The following KCND2 variants were observed in gnomAD, a reference collection of about 807,000 sequenced individuals.
The protein encoded by KCND2 is A-type voltage-gated potassium channel KCND2.
A neutral mutation model predicts 54.4 loss-of-function variants in KCND2; 16 were observed. The observed-to-expected ratio is 0.29, with a 90% confidence interval of 0.20 to 0.45. The LOEUF is 0.45. Among genes scored for constraint, KCND2 ranks in the 20% least tolerant of loss-of-function variants. The probability of loss-of-function intolerance (pLI) is 1.00; values close to 1 mark genes in which losing one functional copy is unlikely to be tolerated. For missense variants in KCND2, 486 were observed against 824.2 expected (o/e 0.59, Z 5.02); for synonymous variants, 317 against 310.7 (o/e 1.02, Z -0.21).
rs1799159244 is a variant in KCND2 at position 120,275,408 on chromosome 7, G to A, written c.776G>A (p.Arg259His). The change falls in exon 1 of 6, where the codon CGT (arginine) becomes CAT (histidine). Residue 259 changes from arginine to histidine, a missense_variant. This residue lies in a region of KCND2 where 231 missense variants were observed against 386.0 expected (regional missense o/e 0.60). Transcript: ENST00000331113. ...GCGCCTAGTCGTTACCGTTTTGTGC[G>A]TAGTGTCATGAGTATCATCGACGTG... ...AAAPSRYRFV[R>H]SVMSIIDVVA... The A allele has an allele frequency of 6.2e-7, 1 of 1,613,738 alleles. No homozygotes were observed. Among genetic ancestry groups the A allele is most frequent in the Non-Finnish European group, 8.5e-7 (1 of 1,179,970 alleles).
chr7:120,717,411 T>G (rs1056656301), intron 1 of KCND2, among the ~76,000 whole-genome samples: 4 of 152,126 alleles, frequency 2.6e-5, no homozygotes, highest in Admixed American at 1.3e-4. Flanking sequence ...GCACGTTCCT[T>G]AAAACTTATG....
chr7:120,330,448 G>T lies in KCND2; in HGVS notation c.1115+54701G>T, dbSNP rs191790206. Among the ~76,000 whole-genome samples the T allele has an allele frequency of 3.9e-5, 6 of 151,966 alleles. No individual in the cohort carries two copies. In the East Asian group the frequency reaches 1.2e-3, roughly 29 times the overall value. On this transcript the variant is annotated intron_variant, in intron 1 of 5. Transcript: ENST00000331113. Reference sequence around the variant, plus strand: ...TACAAAAAATTAGATGGGCATGGTGGCAGGCACCTGTAATCCCAGCTACTT... The same window carrying T: ...TACAAAAAATTAGATGGGCATGGTGTCAGGCACCTGTAATCCCAGCTACTT...
chr7:120,484,170 G>T (rs546742832), intron 1 of KCND2, among the ~76,000 whole-genome samples: 2 of 152,228 alleles, frequency 1.3e-5, no homozygotes, highest in South Asian at 4.1e-4. Context: ...AGGAAATGCG[G>T]GCAGGACTCG....
At chr7:120,656,447 A>G (rs1030491748) in intron 1 of KCND2, among the ~76,000 whole-genome samples, 3 of 152,198 alleles carry the variant, frequency 2.0e-5, no homozygotes, top group African/African-American at 7.2e-5. Flanking sequence ...CGTCACTGTA[A>G]AGCAAATGTC....
chr7:120,529,218 T>C (rs1288527393), intron 1 of KCND2, among the ~76,000 whole-genome samples: 1 of 152,164 alleles, frequency 6.6e-6, no homozygotes, highest in Non-Finnish European at 1.5e-5. Context: ...CTCAGTTGTA[T>C]TAAGGTTTGA....
intron 1 of KCND2, among the ~76,000 whole-genome samples, chr7:120,526,575 A>C (rs571838083): frequency 6.6e-6 from 1 of 152,178 alleles, no homozygotes; most frequent in Non-Finnish European, 1.5e-5. Context: ...CTTCACAAGA[A>C]GGAACCTGAT....
At chr7:120,308,468 C>A (rs1445731932) in intron 1 of KCND2, among the ~76,000 whole-genome samples, 1 of 152,098 alleles carries the variant, frequency 6.6e-6, no homozygotes, top group Non-Finnish European at 1.5e-5. Context: ...TTATTTTTAA[C>A]AGTAAGTGAA....
At chr7:120,324,646 T>C (rs1489692648) in intron 1 of KCND2, among the ~76,000 whole-genome samples, 3 of 150,640 alleles carry the variant, frequency 2.0e-5, no homozygotes, top group African/African-American at 7.3e-5. Flanking sequence ...TCTGTTCTGT[T>C]CCATTGATCT....
chr7:120,621,634 T>C (rs1793100300), intron 1 of KCND2, among the ~76,000 whole-genome samples: 1 of 152,204 alleles, frequency 6.6e-6, no homozygotes, highest in Non-Finnish European at 1.5e-5. Flanking sequence ...AGTCATGATA[T>C]TAAATATCTG....
intron 1 of KCND2, among the ~76,000 whole-genome samples, chr7:120,585,081 C>G (rs896033800): frequency 6.6e-6 from 1 of 152,118 alleles, no homozygotes; most frequent in Admixed American, 6.5e-5. Flanking sequence ...CTCGTAGTTC[C>G]TGACACACAC....
intron 1 of KCND2, among the ~76,000 whole-genome samples, chr7:120,530,509 A>G (rs1469953553): frequency 6.6e-6 from 1 of 152,264 alleles, no homozygotes; most frequent in Admixed American, 6.5e-5. Flanking sequence ...GACATCATCT[A>G]TTAAAAACTT....
intron 1 of KCND2, among the ~76,000 whole-genome samples, chr7:120,702,255 A>G (rs1341625315): frequency 2.6e-5 from 4 of 152,202 alleles, no homozygotes; most frequent in African/African-American, 9.6e-5. Context: ...ATCCCACACC[A>G]TTCCGTATGG....
rs559173093 is a variant in KCND2 at position 120,308,118 on chromosome 7, C to T, written c.1115+32371C>T. 1.2e-4 allele frequency among the ~76,000 whole-genome samples: 18 copies of T among 151,958 alleles called. 1 individual carries two copies. Among genetic ancestry groups the T allele is most frequent in the Admixed American group, 1.1e-3 (16 of 15,224 alleles). On this transcript the variant is annotated intron_variant, in intron 1 of 5. Coordinates refer to ENST00000331113, the MANE Select transcript of KCND2 (RefSeq NM_012281.3). ...GACTATCTCAAACCCAGAACTCTTT[C>T]GTGTACTTTTTACTGAAATACCACT...
At position 120,740,969 on chromosome 7, in the gene KCND2, A is replaced by G. The variant is rs1005489492; in HGVS notation, c.1279-565A>G. ...GTCCATGTTGTTTGGCATGGGATCT[A>G]CCTAGGCTAATTTAAAGGATAATTG... On this transcript the variant is annotated intron_variant, in intron 2 of 5. Coordinates refer to ENST00000331113, the MANE Select transcript of KCND2 (RefSeq NM_012281.3). 4 of 429,844 alleles carry G rather than the reference A, an allele frequency of 9.3e-6. No homozygotes were observed. The East Asian group carries it at 2.9e-4, about 31-fold the overall frequency. The allele number at this position is 429,844 out of a possible 1,614,324, so 26.6% of individuals were successfully genotyped here.
intron 1 of KCND2, among the ~76,000 whole-genome samples, chr7:120,673,645 C>G (rs936757385): frequency 1.4e-4 from 22 of 152,238 alleles, no homozygotes; most frequent in Admixed American, 5.9e-4. Context: ...CTTACTACAG[C>G]CAGAATAAAT....
chr7:120,381,248 G>A (rs1202973129), intron 1 of KCND2, among the ~76,000 whole-genome samples: 4 of 151,974 alleles, frequency 2.6e-5, no homozygotes, highest in African/African-American at 9.7e-5. Context: ...GAGTGAGACT[G>A]TGTCTCAAAA....
intron 1 of KCND2, among the ~76,000 whole-genome samples, chr7:120,483,935 T>C (rs1465261972): frequency 6.6e-6 from 1 of 152,192 alleles, no homozygotes; most frequent in Non-Finnish European, 1.5e-5. Flanking sequence ...ATTGTTTTGC[T>C]TTGCTTTTTA....
At chr7:120,397,987 GTGTGTGTGTATATATA>G (rs1163872494) in intron 1 of KCND2, among the ~76,000 whole-genome samples, 10 of 35,304 alleles carry the variant, frequency 2.8e-4, no homozygotes, top group African/African-American at 6.7e-4. Flanking sequence ...GTGTGTGTGT[GTGTGTGTGTATATATA>G]TATATATATA....
At chr7:120,337,816 T>G (rs1303917682) in intron 1 of KCND2, among the ~76,000 whole-genome samples, 1 of 152,202 alleles carries the variant, frequency 6.6e-6, no homozygotes, top group Non-Finnish European at 1.5e-5. Context: ...TTATATATTT[T>G]CTGACATTGT....
Sources: gnomAD v4.1 joint callset for allele counts (sites outside exome capture counted in the v4.1 genomes callset) on GRCh38, gnomAD v4.1.1 for gene constraint, gnomAD v4.1.1 regional missense constraint, MANE v1.5 for transcripts, NCBI Gene and HGNC (gene_info 2026-07-23, HGNC 2026-07-21) for gene names.